Variants in PCSK5 observed in about 807,000 individuals in gnomAD.
The protein encoded by PCSK5 is prohormone convertase 5.
A neutral mutation model predicts 233.2 loss-of-function variants in PCSK5; 129 were observed. The observed-to-expected ratio is 0.55, with a 90% CI of 0.48 to 0.64. The LOEUF is 0.64. PCSK5 is among the 30% of genes least tolerant of loss of function. The pLI is 0.00. For missense variants in PCSK5, 2,076 were observed against 2,430.1 expected (o/e 0.85, Z 3.06); for synonymous variants, 825 against 879.2 (o/e 0.94, Z 1.09).
intron 3 of PCSK5, 29 bp downstream of exon 3, chr9:75,986,274 G>A: frequency 7.7e-7 from 1 of 1,304,298 alleles, no homozygotes; most frequent in Non-Finnish European, 1.1e-6. Context: ...CCTGGCCTAG[G>A]GCCATGTCAT....
At chr9:76,319,822 C>A (rs1019655373) in intron 30 of PCSK5, among the ~76,000 whole-genome samples, 1 of 152,172 alleles carries the variant, frequency 6.6e-6, no homozygotes, top group African/African-American at 2.4e-5. Context: ...CCTCTTTGAA[C>A]TTCATAGTAG....
At chr9:76,128,862 C>T (rs912167800) in intron 9 of PCSK5, among the ~76,000 whole-genome samples, 7 of 152,096 alleles carry the variant, frequency 4.6e-5, no homozygotes, top group African/African-American at 1.7e-4. Context: ...TTTTCCAATA[C>T]CACAAACCAA....
intron 20 of PCSK5, chr9:76,195,902 A>G (rs1324341168): frequency 6.6e-6 from 1 of 152,162 alleles, no homozygotes; most frequent in African/African-American, 2.4e-5. Context: ...TGATCTGTTC[A>G]TACCCACGTA....
chr9:76,205,211 C>G, intron 20 of PCSK5: 1 of 518,930 alleles, frequency 1.9e-6, no homozygotes. Flanking sequence ...CCTCACTGTC[C>G]CTTTCCGTAT....
chr9:76,010,633 A>G (rs1174344857), intron 3 of PCSK5, among the ~76,000 whole-genome samples: 1 of 152,208 alleles, frequency 6.6e-6, no homozygotes, highest in Non-Finnish European at 1.5e-5. Context: ...CCACTTTGGA[A>G]AGCTCTGTTC....
At chr9:75,893,444 T>C (rs1197939113) in intron 1 of PCSK5, among the ~76,000 whole-genome samples, 1 of 152,152 alleles carries the variant, frequency 6.6e-6, no homozygotes, top group Non-Finnish European at 1.5e-5. Flanking sequence ...AATGGCTCAG[T>C]AGGCTGGAAG....
chr9:76,295,190 A>C (rs1290185823), intron 25 of PCSK5, 85 bp from the exon 26 acceptor site: 1 of 1,217,268 alleles, frequency 8.2e-7, no homozygotes. Flanking sequence ...AAAACTCTGC[A>C]TAGACATACA....
rs569770242 is a variant in PCSK5, at chr9:76,198,044, G to A, written c.2626+8298G>A. 2.0e-5 allele frequency among the ~76,000 whole-genome samples: 3 copies of A among 152,358 alleles called. No homozygotes were observed. In the South Asian group the frequency reaches 6.2e-4, roughly 32 times the overall value. On this transcript the variant is annotated intron_variant, in intron 20 of 37. Coordinates refer to ENST00000674117, the MANE Select transcript of PCSK5 (RefSeq NM_001372043.1). The stretch of plus-strand genomic sequence containing the variant: ...TCTTCATCACTAGAGGTGAAGATCA[G>A]GTCCAGATTCAGTTATTGAGCAATA...
chr9:76,025,741 T>C lies in PCSK5; in HGVS notation c.556-1220T>C, dbSNP rs1164246887. Among the ~76,000 whole-genome samples, 3 of 152,240 alleles carry C rather than the reference T, an allele frequency of 2.0e-5. No individual in the cohort carries two copies. In the East Asian group the frequency reaches 5.8e-4, roughly 29 times the overall value. On this transcript the variant is annotated intron_variant, in intron 4 of 37. Transcript: ENST00000674117. ...CCTCCTTATACTCTTGTATCTTTCT[T>C]AGGAAATTTAACTGAAAAAGACATA...
chr9:76,042,475 C>T (rs929739493), intron 5 of PCSK5, among the ~76,000 whole-genome samples: 11 of 152,038 alleles, frequency 7.2e-5, no homozygotes, highest in African/African-American at 9.7e-5. Context: ...ACATGGTGAA[C>T]GAAATCCCAT....
intron 11 of PCSK5, among the ~76,000 whole-genome samples, 160 bp downstream of exon 11, chr9:76,157,322 C>T (rs1023259095): frequency 1.3e-5 from 2 of 152,036 alleles, no homozygotes; most frequent in Admixed American, 6.6e-5. Flanking sequence ...GGATTCTGAG[C>T]GGTTAAATTC....
chr9:76,193,120 G>T (rs1202535092), intron 20 of PCSK5: 3 of 805,236 alleles, frequency 3.7e-6, no homozygotes, highest in Admixed American at 3.1e-5. Flanking sequence ...ACTCCTGAAT[G>T]ATCTCTTCCA....
intron 28 of PCSK5, among the ~76,000 whole-genome samples, chr9:76,304,089 T>C (rs1053604596): frequency 6.6e-6 from 1 of 152,098 alleles, no homozygotes; most frequent in Admixed American, 6.6e-5. Flanking sequence ...AGAGAATCGC[T>C]TGAACCTGGG....
At chr9:76,288,823 T>C (rs1828169388) in intron 24 of PCSK5, among the ~76,000 whole-genome samples, 1 of 152,236 alleles carries the variant, frequency 6.6e-6, no homozygotes, top group Non-Finnish European at 1.5e-5. Flanking sequence ...ATTCTTCTTC[T>C]CTAGACGTTC....
chr9:76,303,941 G>A (rs532367316), intron 28 of PCSK5, among the ~76,000 whole-genome samples: 3 of 152,280 alleles, frequency 2.0e-5, no homozygotes, highest in Admixed American at 1.3e-4. Flanking sequence ...GGAGACCAAG[G>A]CGGGTGGACC....
At chr9:75,900,538 G>C (rs1479171850) in intron 1 of PCSK5, among the ~76,000 whole-genome samples, 1 of 151,620 alleles carries the variant, frequency 6.6e-6, no homozygotes, top group African/African-American at 2.4e-5. Flanking sequence ...AATTAGCCAG[G>C]TGTGGTGGTC....
At chr9:76,319,918 T>C (rs117808260) in intron 30 of PCSK5, among the ~76,000 whole-genome samples, 142 of 152,304 alleles carry the variant, frequency 9.3e-4, no homozygotes, top group Non-Finnish European at 1.7e-3. Context: ...TACACTGCCT[T>C]CTTTCTCTGC....
intron 20 of PCSK5, among the ~76,000 whole-genome samples, chr9:76,196,808 T>A (rs1305750065): frequency 6.6e-6 from 1 of 152,188 alleles, no homozygotes; most frequent in East Asian, 1.9e-4. Context: ...CATTTACACA[T>A]GAGAAAACTG....
At chr9:76,178,363 C>G (rs568683310) in intron 14 of PCSK5, among the ~76,000 whole-genome samples, 1 of 152,150 alleles carries the variant, frequency 6.6e-6, no homozygotes, top group Non-Finnish European at 1.5e-5. Context: ...GAGAAGTCAT[C>G]CCTAGTACGT....
Sources: gnomAD v4.1 joint callset for allele counts (sites outside exome capture counted in the v4.1 genomes callset) on GRCh38, gnomAD v4.1.1 for gene constraint, MANE v1.5 for transcripts, NCBI Gene and HGNC (gene_info 2026-07-23, HGNC 2026-07-21) for gene names.